The following ZCCHC24 variants were observed in gnomAD, a reference collection of about 807,000 sequenced individuals.
ZCCHC24 encodes the protein zinc finger CCHC-type containing 24, also known as zinc finger CCHC domain-containing protein 24.
Under a neutral mutation model 26.2 loss-of-function variants are expected in ZCCHC24, and 10 were observed. The ratio of observed to expected loss-of-function variants is 0.38; its 90% confidence interval spans 0.24 to 0.65. ZCCHC24 has a LOEUF of 0.65. Ranked by LOEUF, ZCCHC24 falls within the 30% of genes least tolerant of loss-of-function variation. The probability of loss-of-function intolerance (pLI) is 0.54; values close to 1 mark genes in which losing one functional copy is unlikely to be tolerated. For synonymous variants in ZCCHC24, 144 were observed against 147.1 expected, an observed-to-expected ratio of 0.98 and a Z score of 0.15; for missense variants, 243 against 329.1, an observed-to-expected ratio of 0.74 and a Z score of 2.03.
intron 2 of ZCCHC24, among the ~76,000 whole-genome samples, chr10:79,421,483 TCTTCCTTC>T (rs1856936609): frequency 1.0e-5 from 1 of 96,164 alleles, no homozygotes; most frequent in Non-Finnish European, 2.3e-5. Context: ...TTTCTTCCTT[TCTTCCTTC>T]CTTCTGGATG....
intron 2 of ZCCHC24, among the ~76,000 whole-genome samples, chr10:79,427,098 A>T (rs1857039281): frequency 6.6e-6 from 1 of 152,186 alleles, no homozygotes; most frequent in Non-Finnish European, 1.5e-5. Flanking sequence ...AGAGAAAAAG[A>T]AGGACATTTT....
intron 2 of ZCCHC24, among the ~76,000 whole-genome samples, chr10:79,429,562 C>T (rs1263255926): frequency 6.6e-6 from 1 of 152,028 alleles, no homozygotes; most frequent in Non-Finnish European, 1.5e-5. Flanking sequence ...GCCTGGGCAA[C>T]AGAGCTAGAC....
intron 3 of ZCCHC24, among the ~76,000 whole-genome samples, chr10:79,391,101 T>C (rs1461107470): frequency 6.6e-6 from 1 of 152,174 alleles, no homozygotes; most frequent in Admixed American, 6.5e-5. Flanking sequence ...ACTTGACTAC[T>C]CAAGTCCTGT....
intron 1 of ZCCHC24, chr10:79,444,169 C>T (rs1413095629): frequency 6.5e-7 from 1 of 1,541,290 alleles, no homozygotes; most frequent in Non-Finnish European, 8.7e-7. Flanking sequence ...CCTCTTGCAT[C>T]TTTGCAGAGA....
chr10:79,430,495 A>G (rs1187866507), intron 2 of ZCCHC24, among the ~76,000 whole-genome samples: 7 of 151,962 alleles, frequency 4.6e-5, no homozygotes, highest in Admixed American at 4.6e-4. Flanking sequence ...CTGTAAAATG[A>G]GGCCTCTGCT....
intron 2 of ZCCHC24, among the ~76,000 whole-genome samples, chr10:79,399,359 A>G (rs1844768758): frequency 6.6e-6 from 1 of 152,212 alleles, no homozygotes; most frequent in African/African-American, 2.4e-5. Context: ...CATAAACTTC[A>G]GCATGAAACA....
chr10:79,424,500 G>A lies in ZCCHC24; in HGVS notation c.447+8058C>T, dbSNP rs1439328739. 2.6e-5 allele frequency among the ~76,000 whole-genome samples: 4 copies of A among 152,232 alleles called. No individual in the cohort carries two copies. In the South Asian group the frequency reaches 8.3e-4, roughly 32 times the overall value. On this transcript the variant is annotated intron_variant, in intron 2 of 3. Coordinates refer to ENST00000372336, the MANE Select transcript of ZCCHC24 (RefSeq NM_153367.4). ...CCATAGATGGTACTTTTCCATTCCA[G>A]AATCCATTCCCTCCCCTTCAGCTTC...
intron 2 of ZCCHC24, among the ~76,000 whole-genome samples, chr10:79,431,883 T>G (rs1252019040): frequency 1.3e-5 from 2 of 152,162 alleles, no homozygotes; most frequent in Non-Finnish European, 1.5e-5. Context: ...CCCAAAACCA[T>G]GTCTATCAGT....
At chr10:79,408,687 C>T (rs1856751619) in intron 2 of ZCCHC24, among the ~76,000 whole-genome samples, 2 of 152,152 alleles carry the variant, frequency 1.3e-5, no homozygotes, top group African/African-American at 2.4e-5. Context: ...GAATGGGGAT[C>T]CCCTCTTCAC....
intron 2 of ZCCHC24, among the ~76,000 whole-genome samples, chr10:79,406,282 G>A (rs1395172651): frequency 6.6e-6 from 1 of 152,202 alleles, no homozygotes. Flanking sequence ...TCCTTGCTGA[G>A]CGAGATATCG....
chr10:79,433,642 C>G (rs901723323), intron 1 of ZCCHC24, among the ~76,000 whole-genome samples: 1 of 152,328 alleles, frequency 6.6e-6, no homozygotes. Context: ...GGGTCAACAA[C>G]AAATCTGGGC....
rs146603503 is a variant in ZCCHC24, at chr10:79,436,912, G to A, written c.247-4154C>T. On this transcript the variant is annotated intron_variant, in intron 1 of 3. Coordinates refer to ENST00000372336, the MANE Select transcript of ZCCHC24 (RefSeq NM_153367.4). ...TTTCCTCCCTAGGTCAGTGACCCCAGCAGGTAGCAGGAAGGATGTGACCCT... is the reference window on the plus strand; with the variant it reads ...TTTCCTCCCTAGGTCAGTGACCCCAACAGGTAGCAGGAAGGATGTGACCCT... Among the ~76,000 whole-genome samples the A allele has an allele frequency of 8.1e-3, 1,233 of 152,338 alleles. 19 individuals carry two copies. The highest frequency in any genetic ancestry group is 0.026 in the African/African-American group (1,090 of 41,564).
intron 2 of ZCCHC24, among the ~76,000 whole-genome samples, chr10:79,418,483 C>T (rs573164419): frequency 1.1e-4 from 17 of 152,262 alleles, no homozygotes; most frequent in Admixed American, 8.5e-4. Context: ...GTGCCAGGAC[C>T]GGCCCTGGGC....
At chr10:79,400,620 A>G (rs1039924040) in intron 2 of ZCCHC24, among the ~76,000 whole-genome samples, 5 of 152,212 alleles carry the variant, frequency 3.3e-5, no homozygotes, top group Admixed American at 3.3e-4. Context: ...GATGGTAGCC[A>G]GCCCACTCCC....
chr10:79,407,298 A>T (rs954376288), intron 2 of ZCCHC24, among the ~76,000 whole-genome samples: 2 of 152,178 alleles, frequency 1.3e-5, no homozygotes, highest in African/African-American at 4.8e-5. Flanking sequence ...TTGCACAGTA[A>T]CCATGCCACA....
At chr10:79,409,926 G>C (rs913510720) in intron 2 of ZCCHC24, among the ~76,000 whole-genome samples, 5 of 152,224 alleles carry the variant, frequency 3.3e-5, no homozygotes, top group Non-Finnish European at 7.3e-5. Context: ...CTGCCCAGCT[G>C]GGGGAGGAGG....
rs1589655356 is a variant in ZCCHC24, at chr10:79,384,452, T to G, written c.*1893A>C. On this transcript the variant is annotated 3_prime_UTR_variant, in exon 4 of 4. Coordinates refer to ENST00000372336, the MANE Select transcript of ZCCHC24 (RefSeq NM_153367.4). ...GCAGCTTCTCCTTGGGACAGAAGCC[T>G]GGGCCGGGGCCAACCCCAGCTCACC... 6.6e-6 allele frequency: 1 copy of G among 152,442 alleles called. No homozygotes were observed. Among genetic ancestry groups the G allele is most frequent in the African/African-American group, 2.4e-5 (1 of 41,462 alleles). 9.4% of individuals were successfully genotyped at this position (152,442 alleles called of 1,614,324 possible). A position where few individuals can be genotyped will look rare whatever the true frequency, so the allele number is the denominator to read the frequency against.
chr10:79,441,908 C>T (rs1182543767), intron 1 of ZCCHC24, among the ~76,000 whole-genome samples: 2 of 152,254 alleles, frequency 1.3e-5, no homozygotes, highest in Non-Finnish European at 2.9e-5. Flanking sequence ...GGCAGGGGCT[C>T]TGGGCAGCCC....
chr10:79,384,913 G>C lies in ZCCHC24; in HGVS notation c.*1432C>G, dbSNP rs1256112743. 2 of 152,308 alleles carry C rather than the reference G, an allele frequency of 1.3e-5. No individual in the cohort carries two copies. The highest frequency in any genetic ancestry group is 2.9e-5 in the Non-Finnish European group (2 of 68,018). The allele number at this position is 152,308 out of a possible 1,614,324, so 9.4% of individuals were successfully genotyped here. On this transcript the variant is annotated 3_prime_UTR_variant, in exon 4 of 4. Coordinates refer to ENST00000372336, the MANE Select transcript of ZCCHC24 (RefSeq NM_153367.4). ...AAGGAAGGGTCAAGACCATGGAAAC[G>C]GGGCTTCTCATCCGGGAGACAGAGG...
Sources: gnomAD v4.1 joint callset for allele counts (sites outside exome capture counted in the v4.1 genomes callset) on GRCh38, gnomAD v4.1.1 for gene constraint, MANE v1.5 for transcripts, NCBI Gene and HGNC (gene_info 2026-07-23, HGNC 2026-07-21) for gene names.